The following ZCCHC14 variants were observed in gnomAD, a reference collection of about 807,000 sequenced individuals.
ZCCHC14 encodes the protein zinc finger CCHC-type containing 14, also known as zinc finger CCHC domain-containing protein 14.
Under a neutral mutation model 85.0 loss-of-function variants are expected in ZCCHC14, and 16 were observed. The ratio of observed to expected loss-of-function variants is 0.19; its 90% CI spans 0.13 to 0.29. ZCCHC14 has a LOEUF of 0.29. Ranked by LOEUF, ZCCHC14 falls within the 10% of genes least tolerant of loss-of-function variation. The pLI is 1.00. For synonymous variants in ZCCHC14, 775 were observed against 630.7 expected (o/e 1.23, Z -3.43); for missense variants, 1,303 against 1,443.5 (o/e 0.90, Z 1.58).
intron 7 of ZCCHC14, among the ~76,000 whole-genome samples, chr16:87,418,525 G>T (rs1482999227): frequency 4.6e-5 from 7 of 152,216 alleles, no homozygotes; most frequent in African/African-American, 1.7e-4. Flanking sequence ...GCGGACAGAG[G>T]ACGCTCCTCA....
intron 2 of ZCCHC14, among the ~76,000 whole-genome samples, chr16:87,438,850 G>A (rs1910054375): frequency 6.6e-6 from 1 of 152,196 alleles, no homozygotes; most frequent in Non-Finnish European, 1.5e-5. Flanking sequence ...TGGAGTCCCT[G>A]AAATGCAACT....
In ZCCHC14 at chr16:87,412,561, G is replaced by A. The variant is rs866396133; in HGVS notation, c.2160C>T (p.Ser720=). ...GACCAAAGGAGACTGTGGGTGACAT[G>A]GAGCTGCTCTCCGAAAGCCCAGAGA... ...QVLSGLSESS[S]MSPTVSFGPR... The change falls in exon 12 of 13, where the codon TCC becomes TCT. Residue 720 remains serine (S), a synonymous_variant. Coordinates refer to ENST00000671377, the MANE Select transcript of ZCCHC14 (RefSeq NM_015144.3). 6.2e-7 allele frequency: 1 copy of A among 1,614,152 alleles called. No individual in the cohort carries two copies. Among genetic ancestry groups the A allele is most frequent in the Middle Eastern group, 1.6e-4 (1 of 6,062 alleles).
intron 2 of ZCCHC14, among the ~76,000 whole-genome samples, chr16:87,439,700 C>T (rs1436888655): frequency 6.6e-6 from 1 of 152,154 alleles, no homozygotes; most frequent in African/African-American, 2.4e-5. Flanking sequence ...ATAAACACAT[C>T]TTACAAGTTA....
chr16:87,410,512 C>T (rs1052068000), intron 12 of ZCCHC14, among the ~76,000 whole-genome samples, 177 bp from the exon 13 acceptor site: 10 of 152,230 alleles, frequency 6.6e-5, no homozygotes, highest in African/African-American at 1.4e-4. Flanking sequence ...CCTAATTTTA[C>T]AAGTTTATCA....
At chr16:87,474,925 C>G (rs938276089) in intron 1 of ZCCHC14, among the ~76,000 whole-genome samples, 1 of 152,220 alleles carries the variant, frequency 6.6e-6, no homozygotes, top group African/African-American at 2.4e-5. Flanking sequence ...GGAAGAGTAT[C>G]TGGAGTTTGA....
chr16:87,417,290 G>A (rs953647656), intron 8 of ZCCHC14, among the ~76,000 whole-genome samples, 170 bp downstream of exon 8: 1 of 152,218 alleles, frequency 6.6e-6, no homozygotes, highest in African/African-American at 2.4e-5. Context: ...GTGGCTGGCT[G>A]CAGCTGCAGG....
intron 1 of ZCCHC14, among the ~76,000 whole-genome samples, chr16:87,475,055 T>C (rs1487035104): frequency 6.6e-6 from 1 of 152,088 alleles, no homozygotes; most frequent in East Asian, 1.9e-4. Context: ...CCACAATTAC[T>C]AGACATGGAA....
At position 87,409,536 on chromosome 16, in the gene ZCCHC14, G is replaced by A. The variant is rs1425581295; in HGVS notation, c.*744C>T. ...ACCCTTAGAAATTAAGTTGTTGCGAGTAAACTATTTCTATTTAATAACGTA... is the reference window on the plus strand; with the variant it reads ...ACCCTTAGAAATTAAGTTGTTGCGAATAAACTATTTCTATTTAATAACGTA... On this transcript the variant is annotated 3_prime_UTR_variant, in exon 13 of 13. Transcript: ENST00000671377. 2 of 152,380 alleles carry A rather than the reference G, an allele frequency of 1.3e-5. No homozygotes were observed. Among genetic ancestry groups the A allele is most frequent in the Non-Finnish European group, 2.9e-5 (2 of 68,046 alleles). 9.4% of individuals were successfully genotyped at this position (152,380 alleles called of 1,614,324 possible).
In ZCCHC14 at chr16:87,407,591, G is replaced by A. The variant is rs2150716467; in HGVS notation, c.*2689C>T. 6.6e-6 allele frequency: 1 copy of A among 152,200 alleles called. No homozygotes were observed. The highest frequency in any genetic ancestry group is 1.9e-4 in the East Asian group (1 of 5,170). 9.4% of individuals were successfully genotyped at this position (152,200 alleles called of 1,614,324 possible). A position where few individuals can be genotyped will look rare whatever the true frequency, so the allele number is the denominator to read the frequency against. On this transcript the variant is annotated 3_prime_UTR_variant, in exon 13 of 13. Coordinates refer to ENST00000671377, the MANE Select transcript of ZCCHC14 (RefSeq NM_015144.3). Reference sequence around the variant, plus strand: ...TCTACATTCCACTTTCCCCATTCTTGGAGATTAAAAAAACAGGGTTAGAAA... The same window carrying A: ...TCTACATTCCACTTTCCCCATTCTTAGAGATTAAAAAAACAGGGTTAGAAA...
intron 1 of ZCCHC14, chr16:87,470,489 G>A (rs900618044): frequency 6.6e-6 from 1 of 152,156 alleles, no homozygotes; most frequent in Admixed American, 6.5e-5. Flanking sequence ...TGGGGCCACT[G>A]TCTGGACAGC....
At chr16:87,455,713 C>A in intron 2 of ZCCHC14, among the ~76,000 whole-genome samples, 1 of 152,204 alleles carries the variant, frequency 6.6e-6, no homozygotes, top group Admixed American at 6.5e-5. Context: ...CTGAAGATGG[C>A]TGGAGTTGAC....
In ZCCHC14 at chr16:87,420,911, C is replaced by G. The variant is rs1476704992; in HGVS notation, c.841-195G>C. Among the ~76,000 whole-genome samples, 1 of 152,248 alleles carries G rather than the reference C, an allele frequency of 6.6e-6. No individual in the cohort carries two copies. The highest frequency in any genetic ancestry group is 6.5e-5 in the Admixed American group (1 of 15,292). On this transcript the variant is annotated intron_variant, in intron 4 of 12. Coordinates refer to ENST00000671377, the MANE Select transcript of ZCCHC14 (RefSeq NM_015144.3). The surrounding 1 kb of genome is among the most constrained non-coding windows in gnomAD (Gnocchi z 5.0). ...TAGAAAGTCACAAAAGAACATCGCT[C>G]TCACAGTTACATCCGGAAAAGCTTG...
intron 1 of ZCCHC14, among the ~76,000 whole-genome samples, chr16:87,476,061 C>T (rs1161238161): frequency 6.6e-6 from 1 of 152,180 alleles, no homozygotes; most frequent in Non-Finnish European, 1.5e-5. Context: ...GACAGGGTCT[C>T]GACTTCTCTC....
chr16:87,445,654 G>A (rs1910399934), intron 2 of ZCCHC14, among the ~76,000 whole-genome samples: 2 of 152,076 alleles, frequency 1.3e-5, no homozygotes, highest in South Asian at 2.1e-4. Context: ...AGTCCCTCAA[G>A]CCACGGCGTG....
chr16:87,456,460 GA>G (rs756055073), intron 2 of ZCCHC14, among the ~76,000 whole-genome samples: 1 of 150,058 alleles, frequency 6.7e-6, no homozygotes, highest in Non-Finnish European at 1.5e-5. Context: ...GTGAACCCGG[GA>G]GGCGGAGGTT....
At chr16:87,443,806 G>A (rs542749311) in intron 2 of ZCCHC14, among the ~76,000 whole-genome samples, 147 of 152,214 alleles carry the variant, frequency 9.7e-4, no homozygotes, top group Middle Eastern at 6.8e-3. Flanking sequence ...GGAGGCTGAG[G>A]CAGGCAGATC....
In ZCCHC14 at chr16:87,489,720, T is replaced by G. The variant is rs564672977; in HGVS notation, c.570+1949A>C. The stretch of plus-strand genomic sequence containing the variant: ...CAGGGGTGAGCAGAGAGGAATAGAT[T>G]AGCCCCTTCATCTCATCAAAGGGAT... On this transcript the variant is annotated intron_variant, in intron 1 of 12. Transcript: ENST00000671377. Among the ~76,000 whole-genome samples, 4 of 152,300 alleles carry G rather than the reference T, an allele frequency of 2.6e-5. No individual in the cohort carries two copies. In the South Asian group the frequency reaches 6.2e-4, roughly 24 times the overall value.
At chr16:87,470,385 T>C (rs1911723555) in intron 1 of ZCCHC14, 1 of 152,128 alleles carries the variant, frequency 6.6e-6, no homozygotes, top group African/African-American at 2.4e-5. Context: ...GCTTGAATAA[T>C]TATTTAATTA....
chr16:87,487,108 T>C (rs904175620), intron 1 of ZCCHC14, among the ~76,000 whole-genome samples: 16 of 152,210 alleles, frequency 1.1e-4, no homozygotes, highest in African/African-American at 3.4e-4. Context: ...TGCTGATCTT[T>C]GGACAGACAT....
Sources: gnomAD v4.1 joint callset for allele counts (sites outside exome capture counted in the v4.1 genomes callset) on GRCh38, gnomAD v4.1.1 for gene constraint, Gnocchi (gnomAD v3.1) non-coding constraint, MANE v1.5 for transcripts, NCBI Gene and HGNC (gene_info 2026-07-23, HGNC 2026-07-21) for gene names.